SPOCK1: variants seen among roughly 807,000 people sequenced by gnomAD.
SPOCK1 encodes the protein SPARC (osteonectin), cwcv and kazal like domains proteoglycan 1.
SPOCK1 carries 23 observed loss-of-function variants against 55.3 expected under a neutral mutation model. The ratio of observed to expected loss-of-function variants is 0.42; its 90% CI spans 0.30 to 0.59. SPOCK1 has a LOEUF of 0.59. Among genes scored for constraint, SPOCK1 ranks in the 20% least tolerant of loss-of-function variants. The pLI, the probability that SPOCK1 is intolerant of heterozygous loss-of-function variation, is 0.22. For missense variants in SPOCK1, 499 were observed against 552.5 expected (o/e 0.90, Z 0.97); for synonymous variants, 226 against 221.0 (o/e 1.02, Z -0.20).
At chr5:137,349,850 T>C (rs1348325840) in intron 2 of SPOCK1, among the ~76,000 whole-genome samples, 1 of 152,172 alleles carries the variant, frequency 6.6e-6, no homozygotes, top group African/African-American at 2.4e-5. Flanking sequence ...GGGCCCACCC[T>C]AATGACCTCA....
chr5:137,339,618 TC>T (rs1179796131), intron 2 of SPOCK1, among the ~76,000 whole-genome samples: 2 of 151,876 alleles, frequency 1.3e-5, no homozygotes, highest in East Asian at 3.9e-4. Flanking sequence ...GTCTTAAAGC[TC>T]CTTTTTTTTT....
At chr5:137,389,305 T>C (rs922420309) in intron 2 of SPOCK1, among the ~76,000 whole-genome samples, 11 of 152,206 alleles carry the variant, frequency 7.2e-5, no homozygotes, top group African/African-American at 2.4e-4. Context: ...CTGTCCTCTG[T>C]TGAGGACTGC....
chr5:137,367,847 A>G (rs1427477737), intron 2 of SPOCK1, among the ~76,000 whole-genome samples: 1 of 152,188 alleles, frequency 6.6e-6, no homozygotes, highest in Non-Finnish European at 1.5e-5. Context: ...CCTGCCCCCA[A>G]AGTCAGAGGA....
intron 2 of SPOCK1, among the ~76,000 whole-genome samples, chr5:137,354,802 G>T (rs532769686): frequency 2.6e-5 from 4 of 152,180 alleles, no homozygotes; most frequent in Admixed American, 2.6e-4. Flanking sequence ...GGATTGGCCC[G>T]TAGGAGGTAT....
chr5:137,184,624 G>A (rs1755030912), intron 3 of SPOCK1, among the ~76,000 whole-genome samples: 1 of 152,168 alleles, frequency 6.6e-6, no homozygotes, highest in African/African-American at 2.4e-5. Flanking sequence ...GACCTTCACA[G>A]CCCAGTGCAG....
At chr5:137,084,954 C>CTAAA (rs1752935139) in intron 5 of SPOCK1, among the ~76,000 whole-genome samples, 1 of 114,256 alleles carries the variant, frequency 8.8e-6, no homozygotes, top group Admixed American at 9.6e-5. Context: ...TTATACAAAG[C>CTAAA]AAAAAAAAAA....
chr5:137,085,038 T>C (rs1752938460), intron 5 of SPOCK1, among the ~76,000 whole-genome samples: 2 of 148,096 alleles, frequency 1.4e-5, no homozygotes, highest in African/African-American at 5.0e-5. Context: ...CATGTTAAAA[T>C]TGAAAAAGAA....
At chr5:137,010,273 A>G (rs1010689715) in intron 6 of SPOCK1, among the ~76,000 whole-genome samples, 4 of 152,124 alleles carry the variant, frequency 2.6e-5, no homozygotes, top group African/African-American at 9.7e-5. Flanking sequence ...GTGAATACTT[A>G]AGTGAAAACG....
chr5:137,476,972 C>A (rs945745245), intron 2 of SPOCK1, among the ~76,000 whole-genome samples: 3 of 152,088 alleles, frequency 2.0e-5, no homozygotes, highest in Non-Finnish European at 2.9e-5. Context: ...TTCAGCAATT[C>A]TTTTACTAAA....
chr5:137,398,665 T>C (rs182661369), intron 2 of SPOCK1, among the ~76,000 whole-genome samples: 108 of 152,276 alleles, frequency 7.1e-4, no homozygotes, highest in African/African-American at 2.5e-3. Context: ...ACAAATCTAA[T>C]TGATTCTCTA....
At chr5:137,295,997 T>G (rs1458803066) in intron 2 of SPOCK1, among the ~76,000 whole-genome samples, 1 of 151,978 alleles carries the variant, frequency 6.6e-6, no homozygotes, top group Non-Finnish European at 1.5e-5. Context: ...GGAGGTAGAG[T>G]CTTCAGGAGG....
intron 2 of SPOCK1, among the ~76,000 whole-genome samples, chr5:137,455,174 T>C (rs1445785467): frequency 1.3e-5 from 2 of 152,204 alleles, no homozygotes; most frequent in South Asian, 4.1e-4. Flanking sequence ...CACCCATTTA[T>C]CATTGGGATA....
rs1176157517 is a variant in SPOCK1, at chr5:137,340,539, T to G, written c.187-73484A>C. Among the ~76,000 whole-genome samples, 5 of 152,202 alleles carry G rather than the reference T, an allele frequency of 3.3e-5. No homozygotes were observed. In the South Asian group the frequency reaches 6.2e-4, roughly 19 times the overall value. ...GTACCCCTCACCAGGTTGTAAGAAT[T>G]AAGTGAGGAAGTCAGGGATGCAGTA... On this transcript the variant is annotated intron_variant, in intron 2 of 10. Transcript: ENST00000394945.
chr5:137,129,822 C>T (rs1753840609), intron 4 of SPOCK1, among the ~76,000 whole-genome samples: 1 of 152,184 alleles, frequency 6.6e-6, no homozygotes, highest in African/African-American at 2.4e-5. Context: ...GAAAGGCAAG[C>T]TGGTAGACAA....
intron 2 of SPOCK1, among the ~76,000 whole-genome samples, chr5:137,454,612 G>A (rs1463332207): frequency 1.3e-5 from 2 of 152,126 alleles, no homozygotes; most frequent in Admixed American, 6.6e-5. Context: ...GTTTGAGAGA[G>A]GCTCACAGTG....
chr5:137,296,096 CAT>C, intron 2 of SPOCK1, among the ~76,000 whole-genome samples: 1 of 152,176 alleles, frequency 6.6e-6, no homozygotes, highest in East Asian at 1.9e-4. Flanking sequence ...CCTTCTGCCA[CAT>C]GAGGACACAG....
chr5:137,134,786 G>GAAATAACCGTCATCCTTTC (rs1383995594), intron 4 of SPOCK1, among the ~76,000 whole-genome samples: 2 of 152,200 alleles, frequency 1.3e-5, no homozygotes, highest in African/African-American at 4.8e-5. Context: ...AAACTGAGAT[G>GAAATAACCGTCATCCTTTC]AAATAACCGT....
At chr5:137,472,703 C>T (rs149063293) in intron 2 of SPOCK1, among the ~76,000 whole-genome samples, 1 of 152,198 alleles carries the variant, frequency 6.6e-6, no homozygotes, top group Non-Finnish European at 1.5e-5. Context: ...ACACAGGGAA[C>T]AACCCCAGTT....
At chr5:137,103,583 T>C (rs912269922) in intron 5 of SPOCK1, among the ~76,000 whole-genome samples, 1 of 152,236 alleles carries the variant, frequency 6.6e-6, no homozygotes, top group African/African-American at 2.4e-5. Context: ...GTCTGGAGGC[T>C]GCACATCAGC....
Sources: allele counts gnomAD v4.1 joint callset (sites outside exome capture counted in the v4.1 genomes callset), GRCh38; gene constraint gnomAD v4.1.1; transcripts MANE v1.5; gene names NCBI Gene and HGNC (gene_info 2026-07-23, HGNC 2026-07-21).